GPC5: variants seen among roughly 807,000 people sequenced by gnomAD.
GPC5 encodes glypican-5.
In GPC5, 47 loss-of-function variants were observed where a neutral mutation model predicts 53.9. That is an observed-to-expected ratio of 0.87 (90% CI 0.69 to 1.11). The LOEUF (loss-of-function observed/expected upper bound fraction) is 1.11, where lower values mean the gene tolerates loss of function less well. Among genes scored for constraint, GPC5 ranks in the 50% most tolerant of loss-of-function variants. GPC5 has a pLI of 0.00. For missense variants in GPC5, 748 were observed against 713.1 expected, an observed-to-expected ratio of 1.05 and a Z score of -0.56; for synonymous variants, 286 against 263.3, an observed-to-expected ratio of 1.09 and a Z score of -0.84.
At chr13:92,170,640 G>A (rs1224228930) in intron 7 of GPC5, among the ~76,000 whole-genome samples, 1 of 151,870 alleles carries the variant, frequency 6.6e-6, no homozygotes, top group East Asian at 1.9e-4. Flanking sequence ...GGCCAGGCTG[G>A]TTTTGAACTC....
At chr13:92,705,467 G>C (rs912117697) in intron 7 of GPC5, among the ~76,000 whole-genome samples, 11 of 151,904 alleles carry the variant, frequency 7.2e-5, no homozygotes, top group Non-Finnish European at 1.3e-4. Flanking sequence ...TCCATATTGA[G>C]ATATACTGTA....
intron 7 of GPC5, chr13:92,448,935 A>G (rs1013986727): frequency 6.6e-6 from 1 of 150,974 alleles, no homozygotes; most frequent in African/African-American, 2.4e-5. Context: ...TGGGCACTGT[A>G]GAAGTGCCTA....
intron 6 of GPC5, among the ~76,000 whole-genome samples, chr13:92,093,566 CTTTG>C (rs2041397950): frequency 6.6e-6 from 1 of 152,120 alleles, no homozygotes; most frequent in African/African-American, 2.4e-5. Context: ...AACTCTAGAT[CTTTG>C]TATCATAAAA....
intron 6 of GPC5, among the ~76,000 whole-genome samples, chr13:92,049,432 G>C (rs2041009476): frequency 1.3e-5 from 2 of 152,068 alleles, no homozygotes; most frequent in African/African-American, 4.8e-5. Flanking sequence ...AATACAGGGA[G>C]ACAGTAAAAC....
intron 7 of GPC5, among the ~76,000 whole-genome samples, chr13:92,286,652 G>A (rs565477924): frequency 3.9e-4 from 58 of 149,498 alleles, no homozygotes; most frequent in African/African-American, 1.4e-3. Context: ...ACCAAATACC[G>A]CATGTTCTCA....
intron 6 of GPC5, among the ~76,000 whole-genome samples, chr13:92,047,915 T>C (rs1263169599): frequency 2.6e-5 from 4 of 151,480 alleles, no homozygotes; most frequent in Non-Finnish European, 5.9e-5. Context: ...CGCTTGAACC[T>C]GGAAGGCAGA....
At chr13:92,628,633 G>A (rs766948253) in intron 7 of GPC5, among the ~76,000 whole-genome samples, 66 of 152,140 alleles carry the variant, frequency 4.3e-4, no homozygotes, top group Non-Finnish European at 8.8e-4. Context: ...AAACTGGTAC[G>A]ATTTAAAATG....
chr13:92,751,676 A>G (rs1889404283), intron 7 of GPC5, among the ~76,000 whole-genome samples: 1 of 152,144 alleles, frequency 6.6e-6, no homozygotes, highest in African/African-American at 2.4e-5. Context: ...CAGCACAGCA[A>G]CATGGCACAT....
chr13:91,475,774 T>C (rs9589244), intron 2 of GPC5, among the ~76,000 whole-genome samples: 4,057 of 152,282 alleles, frequency 0.027, 159 homozygotes, highest in African/African-American at 0.091. Flanking sequence ...AAAGTGCCTC[T>C]TAAAGATGAG....
At chr13:91,638,913 T>C (rs1364214429) in intron 2 of GPC5, among the ~76,000 whole-genome samples, 1 of 152,198 alleles carries the variant, frequency 6.6e-6, no homozygotes, top group Non-Finnish European at 1.5e-5. Context: ...ATAAGTAAAT[T>C]AACTGAATTT....
chr13:92,151,367 G>T (rs1233829829), intron 7 of GPC5, among the ~76,000 whole-genome samples: 1 of 151,948 alleles, frequency 6.6e-6, no homozygotes, highest in African/African-American at 2.4e-5. Flanking sequence ...TTGGTCCATA[G>T]GACCACATTA....
At chr13:92,769,182 G>T (rs149170452) in intron 7 of GPC5, among the ~76,000 whole-genome samples, 1 of 152,102 alleles carries the variant, frequency 6.6e-6, no homozygotes, top group African/African-American at 2.4e-5. Flanking sequence ...TACTTTTTGT[G>T]CACTGGCAAG....
rs576279265 is a variant in GPC5, at chr13:92,518,449, C to A, written c.1562-347833C>A. ...ATCTCTCGGCAGAAACTCTACAAGCCAGAAGAGAGTGGGGGCCAATATTCA... is the reference window on the plus strand; with the variant it reads ...ATCTCTCGGCAGAAACTCTACAAGCAAGAAGAGAGTGGGGGCCAATATTCA... On this transcript the variant is annotated intron_variant, in intron 7 of 7. Transcript: ENST00000377067. Among the ~76,000 whole-genome samples, 310 of 152,236 alleles carry A rather than the reference C, an allele frequency of 2.0e-3. 2 individuals carry two copies. Among genetic ancestry groups the A allele is most frequent in the Non-Finnish European group, 3.9e-3 (264 of 68,020 alleles).
chr13:92,645,501 T>C (rs1400854954), intron 7 of GPC5, among the ~76,000 whole-genome samples: 1 of 152,230 alleles, frequency 6.6e-6, no homozygotes, highest in Non-Finnish European at 1.5e-5. Context: ...CATTTTAAAG[T>C]AAGTCTTGAC....
intron 2 of GPC5, among the ~76,000 whole-genome samples, chr13:91,487,248 C>G (rs1042233055): frequency 6.6e-6 from 1 of 151,990 alleles, no homozygotes; most frequent in Non-Finnish European, 1.5e-5. Context: ...CTCTTCTTCA[C>G]GGGGAGTGGG....
intron 2 of GPC5, among the ~76,000 whole-genome samples, chr13:91,635,325 A>T (rs907209776): frequency 6.6e-6 from 1 of 152,136 alleles, no homozygotes; most frequent in Non-Finnish European, 1.5e-5. Flanking sequence ...CATGTGTAAC[A>T]TGCATTAACC....
chr13:92,500,480 C>T (rs998142344), intron 7 of GPC5, among the ~76,000 whole-genome samples: 1 of 152,190 alleles, frequency 6.6e-6, no homozygotes, highest in Non-Finnish European at 1.5e-5. Context: ...CAAGAGTAAA[C>T]AAGCGATTTA....
At chr13:91,906,003 G>T (rs778570198) in intron 5 of GPC5, among the ~76,000 whole-genome samples, 1 of 151,964 alleles carries the variant, frequency 6.6e-6, no homozygotes, top group Non-Finnish European at 1.5e-5. Context: ...AGTGTACATT[G>T]TACCAAACAT....
At chr13:92,684,575 CT>C (rs1194566231) in intron 7 of GPC5, among the ~76,000 whole-genome samples, 1 of 152,042 alleles carries the variant, frequency 6.6e-6, no homozygotes, top group Non-Finnish European at 1.5e-5. Context: ...AGCCGGCTCT[CT>C]TTTTTTATAT....
Sources: gnomAD v4.1 joint callset for allele counts (sites outside exome capture counted in the v4.1 genomes callset) on GRCh38, gnomAD v4.1.1 for gene constraint, MANE v1.5 for transcripts, NCBI Gene and HGNC (gene_info 2026-07-23, HGNC 2026-07-21) for gene names.